DMRTC2: variants seen among roughly 807,000 people sequenced by gnomAD.
DMRTC2 encodes DMRT like family C2.
DMRTC2 carries 13 observed loss-of-function variants against 39.9 expected under a neutral mutation model. The ratio of observed to expected loss-of-function variants is 0.33; its 90% CI spans 0.21 to 0.52. The LOEUF is 0.52. Ranked by LOEUF, DMRTC2 falls within the 20% of genes least tolerant of loss-of-function variation. The probability of loss-of-function intolerance (pLI) is 0.96; values close to 1 mark genes in which losing one functional copy is unlikely to be tolerated. For missense variants in DMRTC2, 431 were observed against 472.8 expected (o/e 0.91, Z 0.82); for synonymous variants, 189 against 185.2 (o/e 1.02, Z -0.17).
chr19:41,850,895 C>G (rs148605793), intron 8 of DMRTC2, 195 bp downstream of exon 8: 1 of 516,818 alleles, frequency 1.9e-6, no homozygotes, highest in Non-Finnish European at 3.2e-6. Flanking sequence ...GTTTGGCACT[C>G]GACAGCAAAT....
chr19:41,848,817 T>C lies in DMRTC2; in HGVS notation c.470T>C (p.Leu157Pro). The change falls in exon 5 of 9, where the codon CTC becomes CCC. Residue 157 changes from leucine to proline, a missense_variant. Physicochemically the swap from Leu to Pro is moderately conservative, Grantham distance 98. Transcript: ENST00000269945. ...PGKNSCGPLL[L>P]SHPPEASPLS... ...CAGAACTCCTGTGGGCCTCTGCTGC[T>C]CAGCCATCCCCCGGAAGCCTCGCCC... 3 of 1,609,474 alleles carry C rather than the reference T, an allele frequency of 1.9e-6. No individual in the cohort carries two copies. The highest frequency in any genetic ancestry group is 2.5e-6 in the Non-Finnish European group (3 of 1,180,004).
At chr19:41,848,241 GA>G (rs1489692775) in intron 3 of DMRTC2, among the ~76,000 whole-genome samples, 2 of 152,152 alleles carry the variant, frequency 1.3e-5, no homozygotes, top group African/African-American at 2.4e-5. Context: ...AGCTACTCGG[GA>G]AGCTGAGGCA....
At position 41,847,568 on chromosome 19, in the gene DMRTC2, A is replaced by G. The variant is rs1555836265; in HGVS notation, c.140A>G (p.Asn47Ser). Residue 47 changes from asparagine to serine, a missense_variant, in exon 2 of 9, where the codon AAC becomes AGC. Physicochemically the swap from Asn to Ser is conservative, Grantham distance 46. Coordinates refer to ENST00000269945, the MANE Select transcript of DMRTC2 (RefSeq NM_001040283.3). ...SRSPTCARCR[N>S]HGVTAHLKGH... ...TCTCCAACCTGCGCCCGCTGCCGCA[A>G]CCATGGTGTCACCGCCCATCTCAAG... is the stretch of plus-strand genomic sequence containing the variant. 6.2e-7 allele frequency: 1 copy of G among 1,614,186 alleles called. No individual in the cohort carries two copies.
chr19:41,851,008 A>T, intron 8 of DMRTC2: 1 of 308,326 alleles, frequency 3.2e-6, no homozygotes, highest in Non-Finnish European at 6.0e-6. Context: ...CTCTGGACCC[A>T]GGCTGCCTGC....
In DMRTC2 at chr19:41,851,578, C is replaced by T; in HGVS notation, c.992-6C>T. On this transcript the variant is annotated splice_polypyrimidine_tract_variant and splice_region_variant and intron_variant, in intron 8 of 8. Transcript: ENST00000269945. ...CCTGATCCTGCCCCTTCCTTCTTGC[C>T]TGTAGCTCCTGCTGGAGGAAGAGGA... 1 of 1,613,666 alleles carries T rather than the reference C, an allele frequency of 6.2e-7. No homozygotes were observed. Among genetic ancestry groups the T allele is most frequent in the Middle Eastern group, 1.7e-4 (1 of 5,998 alleles).
rs782702451 is a variant in DMRTC2 at position 41,850,656 on chromosome 19, C to G, written c.947C>G (p.Pro316Arg). ...CCTCGTGTGACCCCTTCTGTGCCCC[C>G]CAACCCTGCCTGGATCTCCCTGCTT... Reference protein sequence around the residue: ...QAPRVTPSVPPNPAWISLLHP... With the variant: ...QAPRVTPSVPRNPAWISLLHP... Residue 316 changes from proline (P) to arginine (R), a missense_variant, in exon 8 of 9, where the codon CCC (proline) becomes CGC (arginine). By Grantham distance (103) the Pro-to-Arg change is moderately radical. Coordinates refer to ENST00000269945, the MANE Select transcript of DMRTC2 (RefSeq NM_001040283.3). 16 of 1,606,794 alleles carry G rather than the reference C, an allele frequency of 1.0e-5. No homozygotes were observed. The East Asian group carries it at 2.2e-4, about 22-fold the overall frequency.
rs1390961416 is a variant in DMRTC2, at chr19:41,848,675, T to G, written c.448-120T>G. ...AATCACTGCTCTTCTCTAGGCAAAA[T>G]GAGGGGAAAACGAGGGCCTCCCAGC... On this transcript the variant is annotated intron_variant, in intron 4 of 8. Transcript: ENST00000269945. The G allele has an allele frequency of 1.9e-6, 3 of 1,538,788 alleles. No homozygotes were observed. In the African/African-American group the frequency reaches 4.1e-5, roughly 21 times the overall value.
rs782531999 is a variant in DMRTC2 at position 41,849,215 on chromosome 19, T to C, written c.714T>C (p.Pro238=). Residue 238 remains proline (P), a synonymous_variant, in exon 6 of 9, where the codon CCT becomes CCC. Transcript: ENST00000269945. ...GATCTCACCCAGTACTGACAGCTCCTCTTTCTGGAGAGCCCCAAGGGCCCC... is the reference window on the plus strand; with the variant it reads ...GATCTCACCCAGTACTGACAGCTCCCCTTTCTGGAGAGCCCCAAGGGCCCC... ...CPGSHPVLTA[P]LSGEPQGPPS... The C allele has an allele frequency of 2.5e-6, 4 of 1,614,114 alleles. No individual in the cohort carries two copies. The East Asian group carries it at 8.9e-5, about 36-fold the overall frequency.
Position 41,847,896 on chromosome 19 carries a change from C to A in DMRTC2, c.370+15C>A. 4 of 1,572,430 alleles carry A rather than the reference C, an allele frequency of 2.5e-6. No homozygotes were observed. Among genetic ancestry groups the A allele is most frequent in the Non-Finnish European group, 3.5e-6 (4 of 1,158,158 alleles). On this transcript the variant is annotated intron_variant, in intron 3 of 8. Coordinates refer to ENST00000269945, the MANE Select transcript of DMRTC2 (RefSeq NM_001040283.3). ...ACAGGTCCCCTGTGAGTGTCTCTGA[C>A]CAGCGATGGGGCAGGAGTTTGGGTA...
intron 1 of DMRTC2, 81 bp from the exon 2 acceptor site, chr19:41,847,344 C>A: frequency 6.7e-7 from 1 of 1,484,288 alleles, no homozygotes; most frequent in Non-Finnish European, 8.9e-7. Flanking sequence ...GGATGGAGAC[C>A]TGCAGGTGTG....
intron 6 of DMRTC2, among the ~76,000 whole-genome samples, 198 bp downstream of exon 6, chr19:41,849,454 T>C (rs1177235236): frequency 1.3e-5 from 2 of 152,250 alleles, no homozygotes; most frequent in African/African-American, 4.8e-5. Flanking sequence ...CCTGTTTTTC[T>C]ATCAGTAAAT....
intron 3 of DMRTC2, 48 bp from the exon 4 acceptor site, chr19:41,848,403 TA>T (rs781833308): frequency 1.3e-6 from 2 of 1,504,854 alleles, no homozygotes; most frequent in Admixed American, 2.1e-5. Context: ...TGGGGTAGGA[TA>T]GGGGTCAGGA....
intron 8 of DMRTC2, 50 bp from the exon 9 acceptor site, chr19:41,851,534 G>T: frequency 6.6e-7 from 1 of 1,518,156 alleles, no homozygotes. Context: ...GGGGTTGCTA[G>T]AAGGAAAAAC....
At position 41,848,994 on chromosome 19, in the gene DMRTC2, A is replaced by G. The variant is rs1370467735; in HGVS notation, c.628+19A>G. The G allele has an allele frequency of 1.2e-6, 2 of 1,613,724 alleles. No homozygotes were observed. The highest frequency in any genetic ancestry group is 2.2e-5 in the East Asian group (1 of 44,874). On this transcript the variant is annotated intron_variant, in intron 5 of 8. Coordinates refer to ENST00000269945, the MANE Select transcript of DMRTC2 (RefSeq NM_001040283.3). The stretch of plus-strand genomic sequence containing the variant: ...TTCCCTGGTAAGATGATAATTCAAC[A>G]TTCATTCAACATATATTTGAGTGCC...
rs920271297 is a variant in DMRTC2 at position 41,847,533 on chromosome 19, C to T, written c.105C>T (p.Ala35=). 1.2e-5 allele frequency: 19 copies of T among 1,614,078 alleles called. No homozygotes were observed. The African/African-American group carries it at 2.5e-4, about 22-fold the overall frequency. The part of the protein sequence containing the change: ...PQSTELIPRR[A]ISRSPTCARC... ...GCACAGAGCTGATCCCCAGGAGAGC[C>T]ATCAGCCGCTCTCCAACCTGCGCCC... Residue 35 remains alanine (A), a synonymous_variant, in exon 2 of 9, where the codon GCC becomes GCT. Transcript: ENST00000269945.
Position 41,847,620 on chromosome 19 carries a change from G to T in DMRTC2, c.192G>T (p.Gln64His). The change falls in exon 2 of 9, where the codon CAG (glutamine) becomes CAT (histidine). Residue 64 changes from glutamine to histidine, a missense_variant. Gln to His is a conservative substitution (Grantham distance 24). Coordinates refer to ENST00000269945, the MANE Select transcript of DMRTC2 (RefSeq NM_001040283.3). The part of the protein sequence containing the change: ...LKGHKRLCLF[Q>H]ACECHKCVLI... The stretch of plus-strand genomic sequence containing the variant: ...GCCACAAGCGCCTCTGCCTCTTCCA[G>T]GCTTGCGAGTGTCACAAATGTGTCC... 1 of 1,614,226 alleles carries T rather than the reference G, an allele frequency of 6.2e-7. No individual in the cohort carries two copies. Among genetic ancestry groups the T allele is most frequent in the Non-Finnish European group, 8.5e-7 (1 of 1,180,040 alleles).
At chr19:41,848,655 C>T in intron 4 of DMRTC2, 127 bp downstream of exon 4, 3 of 1,469,244 alleles carry the variant, frequency 2.0e-6, no homozygotes, top group Non-Finnish European at 1.9e-6. Flanking sequence ...AGTCAAATCA[C>T]TGCTCTTCTC....
At position 41,847,389 on chromosome 19, in the gene DMRTC2, C is replaced by G. The variant is rs569349371; in HGVS notation, c.-4-36C>G. The G allele has an allele frequency of 3.3e-6, 5 of 1,514,420 alleles. No individual in the cohort carries two copies. In the African/African-American group the frequency reaches 6.9e-5, roughly 21 times the overall value. 93.8% of individuals were successfully genotyped at this position (1,514,420 alleles called of 1,614,324 possible). A position where few individuals can be genotyped will look rare whatever the true frequency, so the allele number is the denominator to read the frequency against. On this transcript the variant is annotated intron_variant, in intron 1 of 8. Transcript: ENST00000269945. Reference sequence around the variant, plus strand: ...GCAGGAGGGTTGTTAGGGGCAGGCCCACCTGGCTATGCTTACCTTCCACTC... The same window carrying G: ...GCAGGAGGGTTGTTAGGGGCAGGCCGACCTGGCTATGCTTACCTTCCACTC...
Position 41,847,597 on chromosome 19 carries a change from C to T in DMRTC2, c.169C>T (p.His57Tyr), listed in dbSNP as rs1555836271. ...NHGVTAHLKG[H>Y]KRLCLFQACE... is the part of the protein sequence containing the mutation. Reference sequence around the variant, plus strand: ...TGGTGTCACCGCCCATCTCAAGGGCCACAAGCGCCTCTGCCTCTTCCAGGC... The same window carrying T: ...TGGTGTCACCGCCCATCTCAAGGGCTACAAGCGCCTCTGCCTCTTCCAGGC... Residue 57 changes from histidine (H) to tyrosine (Y), a missense_variant, in exon 2 of 9, where the codon CAC becomes TAC. His to Tyr is a moderately conservative substitution (Grantham distance 83). Transcript: ENST00000269945. The T allele has an allele frequency of 6.2e-7, 1 of 1,614,228 alleles. No individual in the cohort carries two copies. Among genetic ancestry groups the T allele is most frequent in the South Asian group, 1.1e-5 (1 of 91,088 alleles).
Sources: gnomAD v4.1 joint callset for allele counts (sites outside exome capture counted in the v4.1 genomes callset) on GRCh38, gnomAD v4.1.1 for gene constraint, MANE v1.5 for transcripts, NCBI Gene and HGNC (gene_info 2026-07-23, HGNC 2026-07-21) for gene names.